The following SHROOM4 variants were observed in gnomAD, a reference collection of about 807,000 sequenced individuals.
SHROOM4 encodes the protein protein Shroom4.
In SHROOM4, 17 loss-of-function variants were observed where a neutral mutation model predicts 80.3. The ratio of observed to expected loss-of-function variants is 0.21; its 90% CI spans 0.14 to 0.32. The LOEUF (loss-of-function observed/expected upper bound fraction) is 0.32, where lower values mean the gene tolerates loss of function less well. Ranked by LOEUF, SHROOM4 falls within the 10% of genes least tolerant of loss-of-function variation. The pLI, the probability that SHROOM4 is intolerant of heterozygous loss-of-function variation, is 1.00. For synonymous variants in SHROOM4, 400 were observed against 437.5 expected, an observed-to-expected ratio of 0.91 and a Z score of 1.07; for missense variants, 993 against 1,140.3, an observed-to-expected ratio of 0.87 and a Z score of 1.86.
At chrX:50,610,108 A>G (rs944318179) in intron 5 of SHROOM4, among the ~76,000 whole-genome samples, 3 of 111,284 alleles carry the variant, frequency 2.7e-5, no homozygotes, top group Non-Finnish European at 5.7e-5. Context: ...ATAGTTCTTT[A>G]AAAAATAATA....
At position 50,602,751 on chromosome X, in the gene SHROOM4, G is replaced by T; in HGVS notation, c.3824C>A (p.Ala1275Asp). Residue 1275 changes from alanine to aspartate, a missense_variant, in exon 7 of 9, where the codon GCT becomes GAT. Transcript: ENST00000376020. ...GAPGIPTSYS[A>D]YYNISVAKAE... is the part of the protein sequence containing the mutation. The stretch of plus-strand genomic sequence containing the variant: ...CTTGGCCACAGAAATATTGTAATAA[G>T]CTGAGTAAGAGGTAGGGATTCCTGG... 3 of 1,211,158 alleles carry T rather than the reference G, an allele frequency of 2.5e-6. No individual in the cohort carries two copies. The highest frequency in any genetic ancestry group is 3.4e-6 in the Non-Finnish European group (3 of 895,117).
In SHROOM4 at chrX:50,598,394, A is replaced by G. The variant is rs782346701; in HGVS notation, c.4084T>C (p.Phe1362Leu). The G allele has an allele frequency of 1.6e-5, 19 of 1,208,169 alleles. No homozygotes were observed. Among genetic ancestry groups the G allele is most frequent in the Non-Finnish European group, 2.0e-5 (18 of 894,594 alleles). Residue 1362 changes from phenylalanine (F) to leucine (L), a missense_variant, in exon 8 of 9, where the codon TTT becomes CTT. Physicochemically the swap from Phe to Leu is conservative, Grantham distance 22 (BLOSUM62 0). Transcript: ENST00000376020. ...NLKAVCKSNE[F>L]EKYHLFVGDL... is the part of the protein sequence containing the mutation. Reference sequence around the variant, plus strand: ...CCAACAAACAAGTGGTACTTTTCAAATTCATTGGATTTGCAGACGGCTTTT... The same window carrying G: ...CCAACAAACAAGTGGTACTTTTCAAGTTCATTGGATTTGCAGACGGCTTTT...
At chrX:50,633,117 C>T in intron 4 of SHROOM4, 61 bp downstream of exon 4, 13 of 996,058 alleles carry the variant, frequency 1.3e-5, no homozygotes, top group Middle Eastern at 2.7e-4. Context: ...AAATAATTTA[C>T]GTAGCTTTCC....
intron 2 of SHROOM4, among the ~76,000 whole-genome samples, chrX:50,689,160 T>C (rs986283858): frequency 9.0e-6 from 1 of 111,558 alleles, no homozygotes; most frequent in Admixed American, 9.5e-5. Context: ...TCACTATACA[T>C]TGCACATTGG....
chrX:50,812,030 C>T (rs1256445527), intron 1 of SHROOM4, among the ~76,000 whole-genome samples: 1 of 109,884 alleles, frequency 9.1e-6, no homozygotes, highest in African/African-American at 3.3e-5. Context: ...CACTGGCTCA[C>T]AAAATAATCC....
intron 1 of SHROOM4, among the ~76,000 whole-genome samples, chrX:50,731,340 C>T (rs782657701): frequency 3.6e-5 from 4 of 111,624 alleles, no homozygotes; most frequent in South Asian, 7.6e-4. Flanking sequence ...CCACTCCACA[C>T]TGCTGCAGCT....
chrX:50,724,748 G>A (rs868937642), intron 1 of SHROOM4, among the ~76,000 whole-genome samples: 6 of 112,421 alleles, frequency 5.3e-5, no homozygotes, highest in Admixed American at 1.9e-4. Context: ...CCCAAAGGGC[G>A]GGGGTTACAG....
intron 1 of SHROOM4, among the ~76,000 whole-genome samples, chrX:50,795,158 TATATATATG>T (rs1935980510): frequency 3.3e-5 from 1 of 29,923 alleles, no homozygotes; most frequent in African/African-American, 8.9e-5. Flanking sequence ...TATATATATA[TATATATATG>T]ATATATATAT....
downstream of SHROOM4, among the ~76,000 whole-genome samples, chrX:50,584,790 T>C (rs782341166): frequency 9.0e-6 from 1 of 110,800 alleles, no homozygotes; most frequent in South Asian, 3.9e-4. Context: ...GGGAATCAGG[T>C]TCGGGAGGGG....
intron 2 of SHROOM4, among the ~76,000 whole-genome samples, chrX:50,649,319 G>A (rs1195073204): frequency 8.9e-6 from 1 of 112,109 alleles, no homozygotes; most frequent in African/African-American, 3.2e-5. Context: ...GGCACGGTAT[G>A]GACATGTGGT....
At chrX:50,608,945 G>A (rs1329705446) in intron 5 of SHROOM4, among the ~76,000 whole-genome samples, 1 of 111,774 alleles carries the variant, frequency 8.9e-6, no homozygotes, top group African/African-American at 3.3e-5. Flanking sequence ...GTCATTCATA[G>A]TTATCTGCTA....
chrX:50,735,106 A>G (rs1218711303), intron 1 of SHROOM4, among the ~76,000 whole-genome samples: 1 of 112,093 alleles, frequency 8.9e-6, no homozygotes, highest in Non-Finnish European at 1.9e-5. Flanking sequence ...AAAGCAAGAC[A>G]GTCTTGTAAT....
chrX:50,730,435 T>G (rs140009551), intron 1 of SHROOM4, among the ~76,000 whole-genome samples: 1,938 of 104,880 alleles, frequency 0.018, 20 homozygotes, highest in Middle Eastern at 0.066. Context: ...CTCAAAAAAA[T>G]AATAATAAAA....
rs782001047 is a variant in SHROOM4 at position 50,633,276 on chromosome X, G to A, written c.2797C>T (p.Arg933Trp). The change falls in exon 4 of 9, where the codon CGG becomes TGG. Residue 933 changes from arginine to tryptophan, a missense_variant. By Grantham distance (101) the Arg-to-Trp change is moderately radical. Coordinates refer to ENST00000376020, the MANE Select transcript of SHROOM4 (RefSeq NM_020717.5). Reference sequence around the variant, plus strand: ...GGATTATGATAGCAAACTGAACACCGAATGCATTGGTGGTGGTGGCACCGG... The same window carrying A: ...GGATTATGATAGCAAACTGAACACCAAATGCATTGGTGGTGGTGGCACCGG... ...NCRCHHHQCI[R>W]CSVCYHNPQH... 2.5e-5 allele frequency: 30 copies of A among 1,208,494 alleles called. No homozygotes were observed. The highest frequency in any genetic ancestry group is 2.3e-4 in the Middle Eastern group (1 of 4,372).
intron 2 of SHROOM4, among the ~76,000 whole-genome samples, chrX:50,654,797 CTA>C (rs1932242853): frequency 9.2e-6 from 1 of 108,827 alleles, no homozygotes; most frequent in Admixed American, 1.0e-4. Context: ...ATTTCAACCT[CTA>C]TGTGAGATTC....
rs553160982 is a variant in SHROOM4 at position 50,607,758 on chromosome X, C to T, written c.3384G>A (p.Gln1128=). 1.7e-6 allele frequency: 2 copies of T among 1,197,354 alleles called. No individual in the cohort carries two copies. The highest frequency in any genetic ancestry group is 1.1e-6 in the Non-Finnish European group (1 of 887,852). The stretch of plus-strand genomic sequence containing the variant: ...CCTCCTCCTCCTCCTCCTGTTGCTT[C>T]TGCTGCTGCTGTTGCTGCTTCTGCT... ...AQQQKQQQQQ[Q]KQQEEEEEEE... The change falls in exon 6 of 9, where the codon CAG becomes CAA. Residue 1128 remains glutamine, a synonymous_variant. Transcript: ENST00000376020.
intron 7 of SHROOM4, among the ~76,000 whole-genome samples, chrX:50,598,753 T>A (rs1929247435): frequency 8.9e-6 from 1 of 111,812 alleles, no homozygotes; most frequent in Non-Finnish European, 1.9e-5. Context: ...ACCACCAAAC[T>A]TTTTGGCATT....
At chrX:50,626,261 C>A (rs1327367071) in intron 5 of SHROOM4, among the ~76,000 whole-genome samples, 1 of 111,697 alleles carries the variant, frequency 9.0e-6, no homozygotes, top group Admixed American at 9.5e-5. Context: ...CAGCTACCAA[C>A]CCTCAGTTAT....
intron 7 of SHROOM4, among the ~76,000 whole-genome samples, chrX:50,598,928 C>T (rs782200983): frequency 1.8e-5 from 2 of 110,998 alleles, no homozygotes; most frequent in South Asian, 7.9e-4. Context: ...CAGGTTCAAG[C>T]GAGTCTTGCG....
Sources: allele counts gnomAD v4.1 joint callset (sites outside exome capture counted in the v4.1 genomes callset), GRCh38; gene constraint gnomAD v4.1.1; transcripts MANE v1.5; gene names NCBI Gene and HGNC (gene_info 2026-07-23, HGNC 2026-07-21).